The following LOC128706666 variants were observed in gnomAD, a reference collection of about 807,000 sequenced individuals.
At chr20:10,414,480 G>C in the LOC128706666 span, among the ~76,000 whole-genome samples, 1 of 151,974 alleles carries the variant, frequency 6.6e-6, no homozygotes, top group Admixed American at 6.6e-5. Context: ...TGCCAGGTTG[G>C]TCTCGAACTC....
the LOC128706666 span, among the ~76,000 whole-genome samples, chr20:10,424,925 C>T: frequency 1.3e-5 from 2 of 151,628 alleles, no homozygotes; most frequent in East Asian, 1.9e-4. Flanking sequence ...TGGTGGCAGG[C>T]GCCTGTAATC....
the LOC128706666 span, among the ~76,000 whole-genome samples, chr20:10,429,704 A>C: frequency 4.7e-4 from 72 of 152,258 alleles, 2 homozygotes; most frequent in South Asian, 2.1e-4. Context: ...GCCATTTGAC[A>C]TAAGTGTTTC....
chr20:10,418,067 CA>C, the LOC128706666 span, among the ~76,000 whole-genome samples: 3 of 152,132 alleles, frequency 2.0e-5, no homozygotes, highest in Admixed American at 1.3e-4. Context: ...CCTTGGGTAT[CA>C]AATTGTAGGT....
At chr20:10,413,725 T>G in the LOC128706666 span, 1 of 616,566 alleles carries the variant, frequency 1.6e-6, no homozygotes, top group Admixed American at 2.9e-5. Flanking sequence ...TTCCAAATAT[T>G]TATTTTACTT....
chr20:10,427,491 T>C, the LOC128706666 span, among the ~76,000 whole-genome samples: 1 of 152,236 alleles, frequency 6.6e-6, no homozygotes, highest in East Asian at 1.9e-4. Context: ...AATTGTACTA[T>C]GCCTTTTCTT....
the LOC128706666 span, among the ~76,000 whole-genome samples, chr20:10,415,809 G>A: frequency 3.6e-4 from 55 of 152,284 alleles, no homozygotes; most frequent in African/African-American, 1.3e-3. Context: ...TGGCACCTCT[G>A]TCAGTCTTAC....
chr20:10,428,472 G>C, the LOC128706666 span, among the ~76,000 whole-genome samples: 1 of 152,196 alleles, frequency 6.6e-6, no homozygotes, highest in Non-Finnish European at 1.5e-5. Context: ...CTATTGGCCA[G>C]AGGACATTAT....
chr20:10,422,467 A>G, the LOC128706666 span, among the ~76,000 whole-genome samples: 1 of 152,138 alleles, frequency 6.6e-6, no homozygotes, highest in Non-Finnish European at 1.5e-5. Flanking sequence ...TAAGGGTACA[A>G]TAAAATAACT....
chr20:10,422,141 C>T, the LOC128706666 span, among the ~76,000 whole-genome samples: 2 of 152,024 alleles, frequency 1.3e-5, no homozygotes, highest in Non-Finnish European at 2.9e-5. Context: ...AAGATGTTAT[C>T]TTATAGCTAT....
chr20:10,421,864 C>A, the LOC128706666 span, among the ~76,000 whole-genome samples: 1 of 152,042 alleles, frequency 6.6e-6, no homozygotes, highest in African/African-American at 2.4e-5. Flanking sequence ...GGTTTGGGAA[C>A]TTGAATCTGG....
chr20:10,431,126 T>C, the LOC128706666 span, among the ~76,000 whole-genome samples: 1 of 152,196 alleles, frequency 6.6e-6, no homozygotes, highest in Admixed American at 6.5e-5. Context: ...CAGCCATTAC[T>C]TTTATTGGGA....
At chr20:10,432,986 A>G in the LOC128706666 span, among the ~76,000 whole-genome samples, 2 of 152,178 alleles carry the variant, frequency 1.3e-5, no homozygotes, top group African/African-American at 4.8e-5. Flanking sequence ...AGATGTAACC[A>G]TCTTTTTTCC....
chr20:10,426,032 T>C, the LOC128706666 span, among the ~76,000 whole-genome samples: 3 of 152,254 alleles, frequency 2.0e-5, no homozygotes, highest in Non-Finnish European at 4.4e-5. Context: ...GCAATCTTAA[T>C]GTGGATTATG....
chr20:10,419,889 G>T, the LOC128706666 span, among the ~76,000 whole-genome samples: 1 of 152,182 alleles, frequency 6.6e-6, no homozygotes, highest in Non-Finnish European at 1.5e-5. Flanking sequence ...GACTAGGGTT[G>T]ACTGCAGGTA....
chr20:10,425,959 G>A, the LOC128706666 span, among the ~76,000 whole-genome samples: 273 of 152,334 alleles, frequency 1.8e-3, 7 homozygotes, highest in South Asian at 0.046. Context: ...AAGTAAAATA[G>A]AGTTGATATT....
At chr20:10,420,969 A>G in the LOC128706666 span, among the ~76,000 whole-genome samples, 2 of 152,218 alleles carry the variant, frequency 1.3e-5, no homozygotes, top group Non-Finnish European at 2.9e-5. Context: ...GGAAACTTAC[A>G]GAGCAATACT....
the LOC128706666 span, among the ~76,000 whole-genome samples, chr20:10,419,596 T>G: frequency 6.6e-6 from 1 of 152,208 alleles, no homozygotes; most frequent in African/African-American, 2.4e-5. Context: ...TACATACCTA[T>G]GATAAAGTTC....
At chr20:10,426,912 G>A in the LOC128706666 span, among the ~76,000 whole-genome samples, 241 of 152,194 alleles carry the variant, frequency 1.6e-3, 1 homozygote, top group Middle Eastern at 0.014. Context: ...TTAGTTCTCA[G>A]TATAGAATGA....
At chr20:10,427,657 G>T in the LOC128706666 span, among the ~76,000 whole-genome samples, 1 of 152,194 alleles carries the variant, frequency 6.6e-6, no homozygotes, top group South Asian at 2.1e-4. Flanking sequence ...ACTGCACGTG[G>T]TCTTCAACTG....
Sources: gnomAD v4.1 joint callset for allele counts (sites outside exome capture counted in the v4.1 genomes callset) on GRCh38, gnomAD v4.1.1 for gene constraint, MANE v1.5 for transcripts.